The following ARHGAP21 variants were observed in gnomAD, a reference collection of about 807,000 sequenced individuals.
ARHGAP21 encodes the protein Rho GTPase activating protein 21, also known as rho GTPase-activating protein 21.
Under a neutral mutation model 164.6 loss-of-function variants are expected in ARHGAP21, and 38 were observed. The observed-to-expected ratio is 0.23, with a 90% CI of 0.18 to 0.30. ARHGAP21 has a LOEUF of 0.30. ARHGAP21 is among the 10% of genes least tolerant of loss of function. The pLI, the probability that ARHGAP21 is intolerant of heterozygous loss-of-function variation, is 1.00. For synonymous variants in ARHGAP21, 766 were observed against 857.9 expected (o/e 0.89, Z 1.87); for missense variants, 1,822 against 2,370.7 (o/e 0.77, Z 4.81).
At chr10:24,712,533 G>C (rs1481328091) in intron 2 of ARHGAP21, among the ~76,000 whole-genome samples, 1 of 152,152 alleles carries the variant, frequency 6.6e-6, no homozygotes, top group Admixed American at 6.5e-5. Context: ...AATACAATGT[G>C]AATACCACAT....
At chr10:24,686,297 C>T (rs971792174) in intron 2 of ARHGAP21, among the ~76,000 whole-genome samples, 1 of 152,012 alleles carries the variant, frequency 6.6e-6, no homozygotes, top group Non-Finnish European at 1.5e-5. Context: ...GACATAGTAG[C>T]ATGCATCTGT....
At chr10:24,716,369 G>C (rs1016629677) in intron 2 of ARHGAP21, among the ~76,000 whole-genome samples, 39 of 152,206 alleles carry the variant, frequency 2.6e-4, no homozygotes, top group African/African-American at 8.4e-4. Context: ...AGCTTCACTC[G>C]GAAGGTGACC....
chr10:24,610,609 T>C (rs1291226614), intron 9 of ARHGAP21, among the ~76,000 whole-genome samples: 2 of 152,198 alleles, frequency 1.3e-5, no homozygotes, highest in South Asian at 4.1e-4. Flanking sequence ...ATTATTCAAT[T>C]TGGATTTTTT....
At position 24,618,449 on chromosome 10, in the gene ARHGAP21, G is replaced by C. The variant is rs542166656; in HGVS notation, c.2422+1024C>G. ...AGATAAATAAAAAAGCTTAAGGGAA[G>C]AGAATGTCCGTTTCTGTGTCTGTGC... On this transcript the variant is annotated intron_variant, in intron 9 of 25. Transcript: ENST00000396432. 2.2e-4 allele frequency among the ~76,000 whole-genome samples: 33 copies of C among 152,316 alleles called. No homozygotes were observed. The South Asian group carries it at 6.8e-3, about 32-fold the overall frequency.
intron 3 of ARHGAP21, among the ~76,000 whole-genome samples, chr10:24,668,365 TCCTTCCCA>T (rs1421202996): frequency 6.6e-6 from 1 of 152,224 alleles, no homozygotes; most frequent in Non-Finnish European, 1.5e-5. Context: ...GTCCTATGGT[TCCTTCCCA>T]CATGCCAAAA....
chr10:24,597,675 T>C, intron 15 of ARHGAP21, 92 bp from the exon 16 acceptor site: 4 of 1,521,992 alleles, frequency 2.6e-6, no homozygotes, highest in South Asian at 1.3e-5. Flanking sequence ...TCTGAAAATA[T>C]TAACTGGAAA....
At chr10:24,600,952 T>C (rs776183230) in intron 13 of ARHGAP21, 22 bp from the exon 14 acceptor site, 3 of 1,600,506 alleles carry the variant, frequency 1.9e-6, no homozygotes, top group Non-Finnish European at 2.6e-6. Context: ...GCGACAGTTC[T>C]TTAATAGTCA....
intron 2 of ARHGAP21, among the ~76,000 whole-genome samples, chr10:24,690,233 T>C (rs1287442024): frequency 6.6e-6 from 1 of 152,154 alleles, no homozygotes; most frequent in Non-Finnish European, 1.5e-5. Context: ...CCATTGAGAA[T>C]TACATTAGGA....
intron 2 of ARHGAP21, among the ~76,000 whole-genome samples, chr10:24,720,142 C>G (rs1479643983): frequency 1.3e-5 from 2 of 150,360 alleles, no homozygotes; most frequent in Non-Finnish European, 3.0e-5. Context: ...TTAAAAAATA[C>G]ATAACTGTCA....
chr10:24,600,149 A>AAAAAAAAAAC, intron 14 of ARHGAP21, among the ~76,000 whole-genome samples: 1 of 151,768 alleles, frequency 6.6e-6, no homozygotes, highest in Non-Finnish European at 1.5e-5. Flanking sequence ...AAAAAAAAAA[A>AAAAAAAAAAC]AGCTGACTTA....
At chr10:24,618,095 C>T (rs1834168016) in intron 9 of ARHGAP21, among the ~76,000 whole-genome samples, 1 of 152,112 alleles carries the variant, frequency 6.6e-6, no homozygotes, top group African/African-American at 2.4e-5. Context: ...CTCTCTATAC[C>T]TTAAATTTCT....
chr10:24,708,271 C>CCTCTTCCCT (rs1315444496), intron 2 of ARHGAP21, among the ~76,000 whole-genome samples: 1 of 151,924 alleles, frequency 6.6e-6, no homozygotes, highest in East Asian at 1.9e-4. Context: ...GGACTTTGAC[C>CCTCTTCCCT]CTCTTCCCTC....
At chr10:24,659,741 C>G (rs1839482735) in intron 4 of ARHGAP21, among the ~76,000 whole-genome samples, 1 of 152,150 alleles carries the variant, frequency 6.6e-6, no homozygotes, top group South Asian at 2.1e-4. Context: ...TGGCCTCAAG[C>G]TGTTCTCCTG....
At chr10:24,594,849 A>T in intron 21 of ARHGAP21, 101 bp downstream of exon 21, 1 of 962,736 alleles carries the variant, frequency 1.0e-6, no homozygotes, top group Non-Finnish European at 1.5e-6. Context: ...TTTGATGTTG[A>T]ATTACAAACC....
intron 11 of ARHGAP21, 58 bp downstream of exon 11, chr10:24,607,440 AG>A: frequency 7.2e-7 from 1 of 1,396,340 alleles, no homozygotes; most frequent in South Asian, 1.2e-5. Context: ...TTATGTGTCA[AG>A]GTCATGCTGA....
intron 11 of ARHGAP21, among the ~76,000 whole-genome samples, chr10:24,606,366 C>A (rs2077024903): frequency 2.0e-5 from 3 of 151,876 alleles, no homozygotes; most frequent in African/African-American, 2.4e-5. Flanking sequence ...AGAAAATAGT[C>A]AAAAAATATA....
rs1167523800 is a variant in ARHGAP21, at chr10:24,620,275, A to G, written c.1620T>C (p.Ile540=). 1.2e-6 allele frequency: 2 copies of G among 1,613,788 alleles called. No individual in the cohort carries two copies. The highest frequency in any genetic ancestry group is 2.7e-5 in the African/African-American group (2 of 74,894). ...GFTEQDDRRG[I]CERPRQQEIH... The stretch of plus-strand genomic sequence containing the variant: ...TTTCTTGCTGCCTAGGTCTTTCACA[A>G]ATACCTCGTCTATCATCCTGTTCAG... Residue 540 remains isoleucine (I), a synonymous_variant, in exon 9 of 26, where the codon ATT becomes ATC. Transcript: ENST00000396432.
chr10:24,645,260 C>T (rs1839188750), intron 4 of ARHGAP21, among the ~76,000 whole-genome samples: 1 of 152,140 alleles, frequency 6.6e-6, no homozygotes, highest in Non-Finnish European at 1.5e-5. Context: ...CATCTGAGAT[C>T]CCCTCACCTG....
In ARHGAP21 at chr10:24,628,784, C is replaced by T. The variant is rs12257000; in HGVS notation, c.495+1212G>A. ...GTGTGTGTGTGTGCATATATATATA[C>T]ACACATATATACACATATATACATA... On this transcript the variant is annotated intron_variant, in intron 7 of 25. Transcript: ENST00000396432. Among the ~76,000 whole-genome samples, 21 of 96,834 alleles carry T rather than the reference C, an allele frequency of 2.2e-4. 1 individual carries two copies. Among genetic ancestry groups the T allele is most frequent in the Non-Finnish European group, 3.4e-4 (15 of 43,932 alleles). The allele number at this position is 96,834 out of a possible 152,430, so 63.5% of individuals were successfully genotyped here.
Sources: gnomAD v4.1 joint callset for allele counts (sites outside exome capture counted in the v4.1 genomes callset) on GRCh38, gnomAD v4.1.1 for gene constraint, MANE v1.5 for transcripts, NCBI Gene and HGNC (gene_info 2026-07-23, HGNC 2026-07-21) for gene names.